OTUD7A: variants seen among roughly 807,000 people sequenced by gnomAD.
OTUD7A encodes OTU deubiquitinase 7A, also known as OTU domain-containing protein 7A.
In OTUD7A, 12 loss-of-function variants were observed where a neutral mutation model predicts 65.7. The observed-to-expected ratio is 0.18, with a 90% CI of 0.12 to 0.30. The LOEUF (loss-of-function observed/expected upper bound fraction) is 0.30, where lower values mean the gene tolerates loss of function less well. Among genes scored for constraint, OTUD7A ranks in the 10% least tolerant of loss-of-function variants. OTUD7A has a pLI of 1.00. For missense variants in OTUD7A, 1,148 were observed against 1,304.8 expected, an observed-to-expected ratio of 0.88 and a Z score of 1.85; for synonymous variants, 641 against 586.3, an observed-to-expected ratio of 1.09 and a Z score of -1.35.
chr15:31,732,525 T>C (rs73378606), intron 1 of OTUD7A, among the ~76,000 whole-genome samples: 2,578 of 152,334 alleles, frequency 0.017, 81 homozygotes, highest in African/African-American at 0.059. Flanking sequence ...AAGCTGTTCA[T>C]AACACACGGC....
chr15:31,826,946 T>C (rs1250239935), intron 1 of OTUD7A, among the ~76,000 whole-genome samples: 1 of 152,234 alleles, frequency 6.6e-6, no homozygotes, highest in Non-Finnish European at 1.5e-5. Context: ...CTGGACCTTA[T>C]TGTCCATATC....
intron 1 of OTUD7A, among the ~76,000 whole-genome samples, chr15:31,697,692 C>A (rs1893115475): frequency 6.6e-6 from 1 of 152,342 alleles, no homozygotes; most frequent in Non-Finnish European, 1.5e-5. Context: ...CACAACAACC[C>A]CGCGCTGCAG....
intron 3 of OTUD7A, among the ~76,000 whole-genome samples, chr15:31,639,054 A>G (rs1260344539): frequency 6.6e-6 from 1 of 152,024 alleles, no homozygotes; most frequent in African/African-American, 2.4e-5. Flanking sequence ...GAATGGCGTG[A>G]ACCCGGGAGG....
At chr15:31,517,350 A>G (rs896440428) in intron 8 of OTUD7A, among the ~76,000 whole-genome samples, 12 of 152,344 alleles carry the variant, frequency 7.9e-5, no homozygotes, top group Middle Eastern at 6.8e-3. Context: ...ACCAGAGCCC[A>G]TTGGTAGAAA....
chr15:31,734,973 T>C (rs138672031), intron 1 of OTUD7A, among the ~76,000 whole-genome samples: 13 of 152,128 alleles, frequency 8.5e-5, no homozygotes, highest in Admixed American at 2.6e-4. Flanking sequence ...ACCTACAGGA[T>C]GGGAGAAAAT....
chr15:31,684,271 C>T (rs1020643836), intron 1 of OTUD7A, among the ~76,000 whole-genome samples: 9 of 151,910 alleles, frequency 5.9e-5, no homozygotes, highest in Non-Finnish European at 1.3e-4. Flanking sequence ...AGTAGAGAAG[C>T]AGGAGAAAGG....
At chr15:31,637,974 A>G (rs1199706745) in intron 3 of OTUD7A, among the ~76,000 whole-genome samples, 2 of 152,224 alleles carry the variant, frequency 1.3e-5, no homozygotes, top group Non-Finnish European at 2.9e-5. Context: ...GGATTTAGAA[A>G]TTACAAAATG....
chr15:31,588,061 A>C (rs1209010376), intron 3 of OTUD7A, among the ~76,000 whole-genome samples: 2 of 152,070 alleles, frequency 1.3e-5, no homozygotes, highest in Non-Finnish European at 2.9e-5. Context: ...TGCCATATGC[A>C]CATAGAGCCA....
At chr15:31,723,099 C>T (rs1017239411) in intron 1 of OTUD7A, among the ~76,000 whole-genome samples, 1 of 152,134 alleles carries the variant, frequency 6.6e-6, no homozygotes, top group Non-Finnish European at 1.5e-5. Context: ...AGATAGGATG[C>T]AGGAGGGCAA....
intron 4 of OTUD7A, among the ~76,000 whole-genome samples, chr15:31,562,912 T>C (rs1337374170): frequency 6.6e-6 from 1 of 152,190 alleles, no homozygotes; most frequent in Non-Finnish European, 1.5e-5. Flanking sequence ...ATATGAAATG[T>C]TCCATTTTCC....
intron 1 of OTUD7A, among the ~76,000 whole-genome samples, chr15:31,838,222 A>C (rs1196735049): frequency 2.6e-5 from 4 of 152,278 alleles, no homozygotes; most frequent in Non-Finnish European, 4.4e-5. Context: ...AAAAGGTCTT[A>C]GATGTGACGC....
At chr15:31,557,420 C>A (rs943428450) in intron 5 of OTUD7A, 1 of 152,272 alleles carries the variant, frequency 6.6e-6, no homozygotes, top group East Asian at 1.9e-4. Flanking sequence ...GGGTGACCTG[C>A]GTGGACCACA....
chr15:31,608,106 G>A (rs972211977), intron 3 of OTUD7A, among the ~76,000 whole-genome samples: 3 of 152,074 alleles, frequency 2.0e-5, no homozygotes, highest in African/African-American at 4.8e-5. Flanking sequence ...AATTAGCTGC[G>A]CATGGTGGCA....
chr15:31,870,334 C>T (rs1897994355), intron 1 of OTUD7A, among the ~76,000 whole-genome samples, 173 bp downstream of exon 1: 1 of 146,426 alleles, frequency 6.8e-6, no homozygotes, highest in South Asian at 2.1e-4. Context: ...GGGCCCGCGC[C>T]CCCCGCGTCC....
chr15:31,771,769 C>G (rs898531043), intron 1 of OTUD7A, among the ~76,000 whole-genome samples: 2 of 152,124 alleles, frequency 1.3e-5, no homozygotes, highest in African/African-American at 4.8e-5. Context: ...TGCACCAGAC[C>G]CCCCTCTCCA....
At chr15:31,496,430 G>A (rs1313454956) in intron 10 of OTUD7A, among the ~76,000 whole-genome samples, 1 of 152,018 alleles carries the variant, frequency 6.6e-6, no homozygotes, top group Non-Finnish European at 1.5e-5. Context: ...CACCATGTTA[G>A]CCAGGATGGT....
intron 3 of OTUD7A, among the ~76,000 whole-genome samples, chr15:31,634,979 T>C (rs575108195): frequency 6.6e-6 from 1 of 152,310 alleles, no homozygotes; most frequent in Admixed American, 6.5e-5. Flanking sequence ...TTCCCAGTCT[T>C]ACTGGATGTG....
chr15:31,832,047 G>A (rs1429053093), intron 1 of OTUD7A, among the ~76,000 whole-genome samples: 3 of 152,252 alleles, frequency 2.0e-5, no homozygotes, highest in African/African-American at 7.2e-5. Flanking sequence ...TTACACAGGT[G>A]TATGGATTTG....
At chr15:31,568,692 G>A (rs776139467) in intron 4 of OTUD7A, among the ~76,000 whole-genome samples, 2 of 152,226 alleles carry the variant, frequency 1.3e-5, no homozygotes, top group African/African-American at 4.8e-5. Context: ...CCTAGTGGGA[G>A]GTGTTTGGAT....
Sources: allele counts gnomAD v4.1 joint callset (sites outside exome capture counted in the v4.1 genomes callset), GRCh38; gene constraint gnomAD v4.1.1; transcripts MANE v1.5; gene names NCBI Gene and HGNC (gene_info 2026-07-23, HGNC 2026-07-21).